The following HIBADH variants were observed in gnomAD, a reference collection of about 807,000 sequenced individuals.
HIBADH encodes the protein 3-hydroxyisobutyrate dehydrogenase, mitochondrial.
A neutral mutation model predicts 36.1 loss-of-function variants in HIBADH; 25 were observed. That is an observed-to-expected ratio of 0.69 (90% confidence interval 0.50 to 0.97). HIBADH has a LOEUF of 0.97. Ranked by LOEUF, HIBADH falls within the 50% of genes least tolerant of loss-of-function variation. The pLI is 0.00. For synonymous variants in HIBADH, 160 were observed against 149.5 expected (o/e 1.07, Z -0.51); for missense variants, 421 against 418.0 (o/e 1.01, Z -0.06).
At chr7:27,539,759 C>A (rs1784120564) in intron 5 of HIBADH, among the ~76,000 whole-genome samples, 1 of 152,138 alleles carries the variant, frequency 6.6e-6, no homozygotes, top group Non-Finnish European at 1.5e-5. Context: ...TAATAGCCCA[C>A]TGTTGACTGG....
At chr7:27,652,433 T>C (rs1306607799) in intron 1 of HIBADH, among the ~76,000 whole-genome samples, 3 of 152,162 alleles carry the variant, frequency 2.0e-5, no homozygotes, top group Non-Finnish European at 4.4e-5. Flanking sequence ...ACTTACACTT[T>C]AGGAACAGAA....
chr7:27,632,870 A>G (rs912492070), intron 2 of HIBADH, among the ~76,000 whole-genome samples: 1 of 152,144 alleles, frequency 6.6e-6, no homozygotes, highest in African/African-American at 2.4e-5. Flanking sequence ...TTTGGTGGGC[A>G]GCAAAATCCC....
At chr7:27,613,199 T>TTATATAAATATATTTTATATAAATATA (rs1339117276) in intron 4 of HIBADH, among the ~76,000 whole-genome samples, 3 of 96,776 alleles carry the variant, frequency 3.1e-5, no homozygotes, top group East Asian at 3.1e-4. Flanking sequence ...ATATATATAT[T>TTATATAAATATATTTTATATAAATATA]TATATTTATA....
At position 27,587,334 on chromosome 7, in the gene HIBADH, G is replaced by A. The variant is rs576961970; in HGVS notation, c.484+42037C>T. Among the ~76,000 whole-genome samples, 40 of 152,218 alleles carry A rather than the reference G, an allele frequency of 2.6e-4. No homozygotes were observed. The East Asian group carries it at 7.7e-3, about 29-fold the overall frequency. The stretch of plus-strand genomic sequence containing the variant: ...ACCTTCTAATCAGACATGAAGTGGT[G>A]TTAAAGCTGCAGATTCCCCACACTT... On this transcript the variant is annotated intron_variant, in intron 4 of 7. Transcript: ENST00000265395.
chr7:27,638,308 C>T (rs1457088417), intron 2 of HIBADH, among the ~76,000 whole-genome samples: 2 of 55,462 alleles, frequency 3.6e-5, no homozygotes, highest in Non-Finnish European at 6.5e-5. Flanking sequence ...TTGGCAAAGT[C>T]AAAAAAAAAA....
intron 4 of HIBADH, among the ~76,000 whole-genome samples, chr7:27,556,792 G>A (rs1262872892): frequency 1.3e-5 from 2 of 152,150 alleles, no homozygotes; most frequent in Non-Finnish European, 2.9e-5. Context: ...TTTAATCACT[G>A]TAACTTTATA....
rs1306207475 is a variant in HIBADH at position 27,581,620 on chromosome 7, A to G, written c.485-38520T>C. Reference sequence around the variant, plus strand: ...TTATGATATACAACATATTTCGATAAATGTATACATTGTGCAATGATTAAA... The same window carrying G: ...TTATGATATACAACATATTTCGATAGATGTATACATTGTGCAATGATTAAA... On this transcript the variant is annotated intron_variant, in intron 4 of 7. Transcript: ENST00000265395. Among the ~76,000 whole-genome samples the G allele has an allele frequency of 2.6e-5, 4 of 152,286 alleles. No homozygotes were observed. In the East Asian group the frequency reaches 7.7e-4, roughly 29 times the overall value.
intron 6 of HIBADH, among the ~76,000 whole-genome samples, chr7:27,536,419 T>G (rs551107740): frequency 6.6e-6 from 1 of 152,260 alleles, no homozygotes; most frequent in African/African-American, 2.4e-5. Context: ...TCAGTATATA[T>G]GTAGAGTTTT....
At chr7:27,530,481 A>C (rs1440957795) in intron 7 of HIBADH, among the ~76,000 whole-genome samples, 1 of 152,202 alleles carries the variant, frequency 6.6e-6, no homozygotes, top group Non-Finnish European at 1.5e-5. Context: ...TGCTGGGATT[A>C]AAGGCATGAG....
intron 2 of HIBADH, among the ~76,000 whole-genome samples, chr7:27,638,026 T>C (rs1365155464): frequency 6.6e-6 from 1 of 152,132 alleles, no homozygotes; most frequent in Non-Finnish European, 1.5e-5. Flanking sequence ...TTCAGGGCTA[T>C]TCCTATCAAA....
At chr7:27,626,270 A>C (rs1211609266) in intron 4 of HIBADH, among the ~76,000 whole-genome samples, 2 of 152,122 alleles carry the variant, frequency 1.3e-5, no homozygotes, top group Non-Finnish European at 2.9e-5. Context: ...ATTAAAATTA[A>C]AACAAAAAGA....
At position 27,540,795 on chromosome 7, in the gene HIBADH, C is replaced by T. The variant is rs144820884; in HGVS notation, c.618+2172G>A. 1.4e-3 allele frequency among the ~76,000 whole-genome samples: 215 copies of T among 152,252 alleles called. 1 individual carries two copies. The highest frequency in any genetic ancestry group is 5.0e-3 in the African/African-American group (206 of 41,562). ...CCTTCAGTGTTGAACTCATGTTATT[C>T]TGGGTGGCCAGGGGTACTGTCCAAT... On this transcript the variant is annotated intron_variant, in intron 5 of 7. Coordinates refer to ENST00000265395, the MANE Select transcript of HIBADH (RefSeq NM_152740.4).
intron 4 of HIBADH, among the ~76,000 whole-genome samples, chr7:27,569,032 G>A (rs983286704): frequency 6.6e-6 from 1 of 151,318 alleles, no homozygotes; most frequent in African/African-American, 2.4e-5. Context: ...TTTTCTTACA[G>A]TCTTCTTCTT....
At position 27,535,755 on chromosome 7, in the gene HIBADH, CTTTTTT is replaced by C. The variant is rs201314026; in HGVS notation, c.695+2580_695+2585del. Among the ~76,000 whole-genome samples, 559 of 145,462 alleles carry C rather than the reference CTTTTTT, an allele frequency of 3.8e-3. 6 individuals are homozygous for C. Among genetic ancestry groups the C allele is most frequent in the Non-Finnish European group, 4.9e-3 (321 of 65,664 alleles). The stretch of plus-strand genomic sequence containing the variant: ...TGTATACCATATTTTTTACTCTTTA[CTTTTTT>C]TTTTTAACAACATTTAAAAATTTTG... On this transcript the variant is annotated intron_variant, in intron 6 of 7. Coordinates refer to ENST00000265395, the MANE Select transcript of HIBADH (RefSeq NM_152740.4).
chr7:27,619,487 A>G (rs1785499165), intron 4 of HIBADH, among the ~76,000 whole-genome samples: 1 of 152,242 alleles, frequency 6.6e-6, no homozygotes, highest in South Asian at 2.1e-4. Flanking sequence ...TCAAAATTCC[A>G]GATAATACAT....
intron 2 of HIBADH, among the ~76,000 whole-genome samples, chr7:27,641,991 C>G (rs1334864772): frequency 6.6e-6 from 1 of 152,116 alleles, no homozygotes; most frequent in Admixed American, 6.5e-5. Flanking sequence ...CAGGGTGAAC[C>G]ACACACAGAA....
At chr7:27,590,902 G>A (rs1034121078) in intron 4 of HIBADH, among the ~76,000 whole-genome samples, 2 of 152,070 alleles carry the variant, frequency 1.3e-5, no homozygotes, top group Non-Finnish European at 2.9e-5. Flanking sequence ...GACTCTGTTC[G>A]CTTCAATCCT....
chr7:27,649,575 C>T lies in HIBADH; in HGVS notation c.150G>A (p.Met50Ile). The change falls in exon 2 of 8, where the codon ATG (methionine) becomes ATA (isoleucine). Residue 50 changes from methionine to isoleucine, a missense_variant. Transcript: ENST00000265395. ...TGAGATTTTTTGCCATTGGATTCCC[C>T]ATGTTGCCCAGTCCAATGAATCCAA... ...TPVGFIGLGN[M>I]GNPMAKNLMK... 6.2e-7 allele frequency: 1 copy of T among 1,613,906 alleles called. No individual in the cohort carries two copies. The highest frequency in any genetic ancestry group is 1.1e-5 in the South Asian group (1 of 91,060).
At chr7:27,577,166 CTTTT>C (rs5883090) in intron 4 of HIBADH, among the ~76,000 whole-genome samples, 1 of 146,392 alleles carries the variant, frequency 6.8e-6, no homozygotes, top group Admixed American at 6.8e-5. Flanking sequence ...TCATTTCTCT[CTTTT>C]TTTTTTTTTT....
Sources: allele counts gnomAD v4.1 joint callset (sites outside exome capture counted in the v4.1 genomes callset), GRCh38; gene constraint gnomAD v4.1.1; transcripts MANE v1.5; gene names NCBI Gene and HGNC (gene_info 2026-07-23, HGNC 2026-07-21).